The following TMEM11 variants were observed in gnomAD, a reference collection of about 807,000 sequenced individuals.
The protein encoded by TMEM11 is transmembrane protein 11, mitochondrial.
A neutral mutation model predicts 17.0 loss-of-function variants in TMEM11; 1 was observed. That is an observed-to-expected ratio of 0.06 (90% CI 0.02 to 0.28). TMEM11 has a LOEUF of 0.28. Ranked by LOEUF, TMEM11 falls within the 10% of genes least tolerant of loss-of-function variation. The pLI, the probability that TMEM11 is intolerant of heterozygous loss-of-function variation, is 1.00. For synonymous variants in TMEM11, 122 were observed against 118.1 expected, an observed-to-expected ratio of 1.03 and a Z score of -0.21; for missense variants, 172 against 252.9, an observed-to-expected ratio of 0.68 and a Z score of 2.17.
intron 1 of TMEM11, among the ~76,000 whole-genome samples, chr17:21,204,789 A>T (rs1466945054): frequency 6.6e-6 from 1 of 152,058 alleles, no homozygotes; most frequent in African/African-American, 2.4e-5. Flanking sequence ...GGAAGAAGAA[A>T]AGTAAAAGGA....
intron 1 of TMEM11, among the ~76,000 whole-genome samples, chr17:21,211,916 A>G (rs1975006976): frequency 6.6e-6 from 1 of 152,226 alleles, no homozygotes; most frequent in Non-Finnish European, 1.5e-5. Flanking sequence ...CAGTCATAAG[A>G]GCCAATAATA....
At chr17:21,208,166 G>A (rs1285899993) in intron 1 of TMEM11, among the ~76,000 whole-genome samples, 4 of 150,226 alleles carry the variant, frequency 2.7e-5, no homozygotes, top group Admixed American at 2.0e-4. Flanking sequence ...CTAATTTTTT[G>A]TATTTTTAGT....
In TMEM11 at chr17:21,214,126, A is replaced by G; in HGVS notation, c.27T>C (p.Leu9=). The G allele has an allele frequency of 6.2e-7, 1 of 1,612,186 alleles. No homozygotes were observed. The highest frequency in any genetic ancestry group is 1.1e-5 in the South Asian group (1 of 90,926). The change falls in exon 1 of 2, where the codon CTT becomes CTC. Residue 9 remains leucine (L), a synonymous_variant. Transcript: ENST00000317635. MAAWGRRR[L]GPGSSGGSAR... is the part of the protein sequence containing the mutation. ...CGCTGCCGCCACTGCTGCCCGGGCC[A>G]AGACGCCTCCTTCCCCAAGCGGCCA...
chr17:21,201,258 G>A (rs1974880351), intron 1 of TMEM11, among the ~76,000 whole-genome samples: 1 of 152,238 alleles, frequency 6.6e-6, no homozygotes, highest in African/African-American at 2.4e-5. Flanking sequence ...AAAGGCACTG[G>A]CTTGGACTTG....
At chr17:21,200,995 C>T (rs1453719006) in intron 1 of TMEM11, among the ~76,000 whole-genome samples, 2 of 152,218 alleles carry the variant, frequency 1.3e-5, no homozygotes, top group Admixed American at 6.5e-5. Flanking sequence ...TGGTGGAAAT[C>T]GGACTGTCGG....
chr17:21,205,369 C>A (rs1234272678), intron 1 of TMEM11, among the ~76,000 whole-genome samples: 2 of 152,130 alleles, frequency 1.3e-5, no homozygotes, highest in African/African-American at 4.8e-5. Context: ...CATTCTAAGG[C>A]GGCAGAGCTC....
chr17:21,198,249 A>T lies in TMEM11; in HGVS notation c.*75T>A. 1 of 1,507,584 alleles carries T rather than the reference A, an allele frequency of 6.6e-7. No homozygotes were observed. The highest frequency in any genetic ancestry group is 1.3e-5 in the South Asian group (1 of 77,230). 93.4% of individuals were successfully genotyped at this position (1,507,584 alleles called of 1,614,324 possible). A position where few individuals can be genotyped will look rare whatever the true frequency, so the allele number is the denominator to read the frequency against. On this transcript the variant is annotated 3_prime_UTR_variant, in exon 2 of 2. Coordinates refer to ENST00000317635, the MANE Select transcript of TMEM11 (RefSeq NM_003876.3). This position sits in a 1 kb window ranked among gnomAD's most constrained non-coding sequence, Gnocchi z 6.5. ...ACCTGCCCAGGCTCTGCTGCCTCAC[A>T]GAGTGTGGCGATCTGAATACTCTGT...
chr17:21,213,790 G>A (rs1212642916), intron 1 of TMEM11: 2 of 423,600 alleles, frequency 4.7e-6, no homozygotes, highest in Non-Finnish European at 4.2e-6. Flanking sequence ...GGGTCCCTGA[G>A]GCCTGCGCTG....
At chr17:21,212,058 G>T (rs973610175) in intron 1 of TMEM11, among the ~76,000 whole-genome samples, 3 of 152,300 alleles carry the variant, frequency 2.0e-5, no homozygotes, top group Non-Finnish European at 4.4e-5. Flanking sequence ...AGCGGGTTAT[G>T]TTTCCATCCC....
intron 1 of TMEM11, among the ~76,000 whole-genome samples, chr17:21,202,573 G>A (rs560510374): frequency 3.2e-5 from 3 of 95,166 alleles, no homozygotes; most frequent in Non-Finnish European, 4.4e-5. Flanking sequence ...CACCCCCTCC[G>A]GCCCCCCTGC....
chr17:21,199,846 G>C (rs1451008808), intron 1 of TMEM11, among the ~76,000 whole-genome samples: 1 of 152,174 alleles, frequency 6.6e-6, no homozygotes, highest in African/African-American at 2.4e-5. Flanking sequence ...CCCTTTCCTT[G>C]AATTAGGAAA....
chr17:21,203,991 C>T (rs991818573), intron 1 of TMEM11, among the ~76,000 whole-genome samples: 12 of 107,628 alleles, frequency 1.1e-4, no homozygotes, highest in Middle Eastern at 5.1e-3. Flanking sequence ...ATTATATGGA[C>T]TTTTTTTTTT....
At chr17:21,206,307 C>A (rs1020919311) in intron 1 of TMEM11, among the ~76,000 whole-genome samples, 3 of 152,124 alleles carry the variant, frequency 2.0e-5, no homozygotes, top group African/African-American at 7.2e-5. Flanking sequence ...CTGCAACCTC[C>A]GCCTCCCGGG....
intron 1 of TMEM11, among the ~76,000 whole-genome samples, chr17:21,204,931 C>T (rs768567619): frequency 3.3e-5 from 5 of 152,062 alleles, no homozygotes; most frequent in African/African-American, 4.8e-5. Context: ...TGAATGGGAC[C>T]GCTCTCTGCC....
chr17:21,210,903 A>T, intron 1 of TMEM11: 8 of 1,251,894 alleles, frequency 6.4e-6, no homozygotes, highest in Non-Finnish European at 8.3e-6. Context: ...TGATTATAAA[A>T]ACAGGAACTC....
intron 1 of TMEM11, among the ~76,000 whole-genome samples, chr17:21,203,856 C>T (rs1321033583): frequency 6.6e-6 from 1 of 151,622 alleles, no homozygotes; most frequent in African/African-American, 2.4e-5. Context: ...AGAAGGTTAT[C>T]TCAAACCACT....
intron 1 of TMEM11, among the ~76,000 whole-genome samples, chr17:21,210,555 C>T (rs147497511): frequency 6.6e-6 from 1 of 152,200 alleles, no homozygotes; most frequent in African/African-American, 2.4e-5. Context: ...GGGAAGCTGT[C>T]ACCCCGGGAC....
intron 1 of TMEM11, among the ~76,000 whole-genome samples, chr17:21,200,753 C>T (rs927230143): frequency 2.0e-5 from 3 of 152,246 alleles, no homozygotes; most frequent in African/African-American, 4.8e-5. Flanking sequence ...ACGAGAAGCA[C>T]AGCCCTCAGT....
intron 1 of TMEM11, among the ~76,000 whole-genome samples, chr17:21,211,382 C>CA (rs1232254631): frequency 3.9e-5 from 6 of 152,320 alleles, no homozygotes; most frequent in African/African-American, 1.4e-4. Flanking sequence ...ATATGGTAGC[C>CA]ACAGGCCGGA....
Sources: allele counts gnomAD v4.1 joint callset (sites outside exome capture counted in the v4.1 genomes callset), GRCh38; gene constraint gnomAD v4.1.1; non-coding constraint Gnocchi (gnomAD v3.1); transcripts MANE v1.5; gene names NCBI Gene and HGNC (gene_info 2026-07-23, HGNC 2026-07-21).